DDR2: variants seen among roughly 807,000 people sequenced by gnomAD.
The protein encoded by DDR2 is discoidin domain receptor tyrosine kinase 2.
In DDR2, 27 loss-of-function variants were observed where a neutral mutation model predicts 94.9. That is an observed-to-expected ratio of 0.28 (90% CI 0.21 to 0.39). The LOEUF (loss-of-function observed/expected upper bound fraction) is 0.39. Ranked by LOEUF, DDR2 falls within the 10% of genes least tolerant of loss-of-function variation. The pLI is 1.00. For missense variants in DDR2, 783 were observed against 1,076.0 expected, an observed-to-expected ratio of 0.73 and a Z score of 3.81; for synonymous variants, 382 against 377.2, an observed-to-expected ratio of 1.01 and a Z score of -0.15.
Position 162,755,717 on chromosome 1 carries a change from G to A in DDR2, c.619G>A (p.Gly207Ser), listed in dbSNP as rs773159664. The A allele has an allele frequency of 5.0e-5, 80 of 1,614,022 alleles. No individual in the cohort carries two copies. The highest frequency in any genetic ancestry group is 6.2e-5 in the Non-Finnish European group (73 of 1,180,028). Reference protein sequence around the residue: ...PAGQQFVLPGGSIIYLNDSVY... With the variant: ...PAGQQFVLPGSSIIYLNDSVY... ...TGGGCAGCAGTTTGTACTCCCTGGA[G>A]GTTCCATCATTTATCTGAATGATTC... Residue 207 changes from glycine (G) to serine (S), a missense_variant, in exon 7 of 18, where the codon GGT becomes AGT. By Grantham distance (56) the Gly-to-Ser change is moderately conservative. Coordinates refer to ENST00000367921, the MANE Select transcript of DDR2 (RefSeq NM_006182.4).
At chr1:162,773,634 T>C in intron 14 of DDR2, 38 bp downstream of exon 14, 2 of 1,611,868 alleles carry the variant, frequency 1.2e-6, no homozygotes, top group Non-Finnish European at 8.5e-7. Flanking sequence ...TTTAGGTATT[T>C]CATCTTTAGG....
At chr1:162,747,651 G>T (rs1456816565) in intron 3 of DDR2, among the ~76,000 whole-genome samples, 3 of 151,974 alleles carry the variant, frequency 2.0e-5, no homozygotes, top group Non-Finnish European at 4.4e-5. Flanking sequence ...TACAGAGAAC[G>T]CCACAAAGAT....
In DDR2 at chr1:162,780,308, C is replaced by A. The variant is rs2102212058; in HGVS notation, c.*62C>A. ...TCCTCCCTACAAGACCTACCACTCA[C>A]CCATGCCTATGCCACTCCATCTGGA... On this transcript the variant is annotated 3_prime_UTR_variant, in exon 18 of 18. Coordinates refer to ENST00000367921, the MANE Select transcript of DDR2 (RefSeq NM_006182.4). 6.2e-7 allele frequency: 1 copy of A among 1,610,256 alleles called. No homozygotes were observed. The highest frequency in any genetic ancestry group is 1.1e-5 in the South Asian group (1 of 90,876).
At chr1:162,669,086 A>C (rs1359536050) in intron 2 of DDR2, among the ~76,000 whole-genome samples, 1 of 152,230 alleles carries the variant, frequency 6.6e-6, no homozygotes, top group East Asian at 1.9e-4. Context: ...CTCATGTCAC[A>C]TGGTGACAAA....
chr1:162,739,946 C>T (rs1457229251), intron 3 of DDR2, among the ~76,000 whole-genome samples: 1 of 143,404 alleles, frequency 7.0e-6, no homozygotes, highest in Non-Finnish European at 1.5e-5. Flanking sequence ...TGGCTTGAGT[C>T]GTTGAAAGAA....
chr1:162,757,245 A>G (rs1361778360), intron 7 of DDR2, among the ~76,000 whole-genome samples: 2 of 152,242 alleles, frequency 1.3e-5, no homozygotes, highest in African/African-American at 4.8e-5. Flanking sequence ...TGCTATGCAC[A>G]TATAAGTTGT....
At chr1:162,691,211 T>A (rs1299833576) in intron 2 of DDR2, among the ~76,000 whole-genome samples, 1 of 152,114 alleles carries the variant, frequency 6.6e-6, no homozygotes, top group Non-Finnish European at 1.5e-5. Flanking sequence ...ACTCTGTGAA[T>A]CTCATGAGAT....
intron 16 of DDR2, among the ~76,000 whole-genome samples, chr1:162,776,981 T>C (rs1447194187): frequency 6.6e-6 from 1 of 152,192 alleles, no homozygotes; most frequent in African/African-American, 2.4e-5. Flanking sequence ...ACTATACACT[T>C]TTACTTCCTA....
At chr1:162,651,189 T>C (rs557832752) in intron 1 of DDR2, among the ~76,000 whole-genome samples, 4 of 152,248 alleles carry the variant, frequency 2.6e-5, no homozygotes, top group African/African-American at 9.6e-5. Flanking sequence ...GCCATCCCAC[T>C]CTCCAAAGCC....
chr1:162,684,223 AC>A (rs1180139244), intron 2 of DDR2, among the ~76,000 whole-genome samples: 10 of 152,128 alleles, frequency 6.6e-5, no homozygotes. Flanking sequence ...AATCACTTAA[AC>A]TTTTCTATCT....
intron 3 of DDR2, among the ~76,000 whole-genome samples, chr1:162,752,630 G>A (rs1261951198): frequency 6.6e-6 from 1 of 152,156 alleles, no homozygotes; most frequent in Non-Finnish European, 1.5e-5. Flanking sequence ...CCCTTCATAG[G>A]TGAGTGTGTA....
At chr1:162,765,890 T>C (rs1051234665) in intron 9 of DDR2, 111 bp from the exon 10 acceptor site, 4 of 932,630 alleles carry the variant, frequency 4.3e-6, no homozygotes, top group Non-Finnish European at 7.0e-6. Flanking sequence ...AAAAGACTGA[T>C]GACAACTCAC....
At chr1:162,752,658 A>G (rs1312420345) in intron 3 of DDR2, among the ~76,000 whole-genome samples, 8 of 152,232 alleles carry the variant, frequency 5.3e-5, no homozygotes, top group Admixed American at 4.6e-4. Context: ...TATAGTTTTT[A>G]TGCAATTAAC....
chr1:162,657,194 G>T (rs1211721792), intron 2 of DDR2, among the ~76,000 whole-genome samples: 1 of 152,008 alleles, frequency 6.6e-6, no homozygotes, highest in Non-Finnish European at 1.5e-5. Flanking sequence ...CAAGGCATAT[G>T]CTATATATAG....
At chr1:162,773,726 T>C in intron 14 of DDR2, 130 bp downstream of exon 14, 1 of 1,260,320 alleles carries the variant, frequency 7.9e-7, no homozygotes, top group Non-Finnish European at 1.1e-6. Flanking sequence ...ATTTCCACTG[T>C]TATCCTTTTT....
At chr1:162,645,639 A>G (rs889790097) in intron 1 of DDR2, among the ~76,000 whole-genome samples, 3 of 152,216 alleles carry the variant, frequency 2.0e-5, no homozygotes, top group African/African-American at 7.2e-5. Flanking sequence ...TATTAATTTC[A>G]TGCAAAGCAT....
In DDR2 at chr1:162,780,150, G is replaced by A. The variant is rs1216248795; in HGVS notation, c.2472G>A (p.Val824=). The A allele has an allele frequency of 2.5e-6, 4 of 1,613,944 alleles. No individual in the cohort carries two copies. The highest frequency in any genetic ancestry group is 3.4e-6 in the Non-Finnish European group (4 of 1,179,914). Residue 824 remains valine, a synonymous_variant, in exon 18 of 18, where the codon GTG becomes GTA. Transcript: ENST00000367921. ...LPQPAICPDS[V]YKLMLSCWRR... is the part of the protein sequence containing the mutation. ...AACCAGCCATTTGTCCTGACTCTGT[G>A]TATAAGCTGATGCTCAGCTGCTGGA...
At chr1:162,768,930 G>A (rs143280040) in intron 11 of DDR2, among the ~76,000 whole-genome samples, 1 of 152,332 alleles carries the variant, frequency 6.6e-6, no homozygotes, top group Non-Finnish European at 1.5e-5. Flanking sequence ...AAACACTAGT[G>A]TTTAATGAGG....
intron 2 of DDR2, among the ~76,000 whole-genome samples, chr1:162,691,232 C>G (rs1164229594): frequency 2.6e-5 from 4 of 152,174 alleles, no homozygotes; most frequent in Non-Finnish European, 5.9e-5. Context: ...TCACAGACCT[C>G]TTAGGAGCAC....
Sources: allele counts gnomAD v4.1 joint callset (sites outside exome capture counted in the v4.1 genomes callset), GRCh38; gene constraint gnomAD v4.1.1; transcripts MANE v1.5; gene names NCBI Gene and HGNC (gene_info 2026-07-23, HGNC 2026-07-21).